The following TRIM49B variants were observed in gnomAD, a reference collection of about 807,000 sequenced individuals.
TRIM49B encodes tripartite motif containing 49B.
Under a neutral mutation model 31.8 loss-of-function variants are expected in TRIM49B, and 18 were observed. The ratio of observed to expected loss-of-function variants is 0.57; its 90% CI spans 0.39 to 0.84. The LOEUF is 0.84. Among genes scored for constraint, TRIM49B ranks in the 40% least tolerant of loss-of-function variants. TRIM49B has a pLI of 0.00. For missense variants in TRIM49B, 494 were observed against 538.7 expected (o/e 0.92, Z 0.82); for synonymous variants, 196 against 180.6 (o/e 1.09, Z -0.68).
At chr11:49,029,915 C>A (rs1309317545) in intron 1 of TRIM49B, among the ~76,000 whole-genome samples, 2 of 152,076 alleles carry the variant, frequency 1.3e-5, no homozygotes, top group Non-Finnish European at 2.9e-5. Context: ...CTACAGTATG[C>A]AGTACAGAAC....
rs761794701 is a variant in TRIM49B at position 49,032,409 on chromosome 11, T to C, written c.507+38T>C. ...CTACTCTACCTTCTCCAGGAACTTATGGTGGGCAAATGGGTGACTCTTAAA... is the reference window on the plus strand; with the variant it reads ...CTACTCTACCTTCTCCAGGAACTTACGGTGGGCAAATGGGTGACTCTTAAA... On this transcript the variant is annotated intron_variant, in intron 3 of 6. Transcript: ENST00000332682. 3 of 1,611,514 alleles carry C rather than the reference T, an allele frequency of 1.9e-6. No homozygotes were observed. In the African/African-American group the frequency reaches 4.0e-5, roughly 22 times the overall value.
intron 5 of TRIM49B, among the ~76,000 whole-genome samples, chr11:49,035,503 G>A (rs1854515642): frequency 6.6e-6 from 1 of 151,592 alleles, no homozygotes; most frequent in Non-Finnish European, 1.5e-5. Context: ...GGGACTACAG[G>A]CGCCCGCCAC....
chr11:49,034,309 A>G lies in TRIM49B; in HGVS notation c.671A>G (p.Glu224Gly), dbSNP rs1412376982. Reference sequence around the variant, plus strand: ...AAAGCCAAAATGGCTCATAGGAGGGAGATTTTAAGAGGAATGTATGAGGAG... The same window carrying G: ...AAAGCCAAAATGGCTCATAGGAGGGGGATTTTAAGAGGAATGTATGAGGAG... ...LSKAKMAHRR[E>G]ILRGMYEELN... is the part of the protein sequence containing the mutation. Residue 224 changes from glutamate to glycine, a missense_variant, in exon 4 of 7, where the codon GAG (glutamate) becomes GGG (glycine). By Grantham distance (98) the Glu-to-Gly change is moderately conservative. Around this residue, in one of 3 missense-constraint regions of TRIM49B, gnomAD observed 233 missense variants for 281.4 expected, o/e 0.83. Transcript: ENST00000332682. 6.2e-7 allele frequency: 1 copy of G among 1,611,980 alleles called. No homozygotes were observed. Among genetic ancestry groups the G allele is most frequent in the Non-Finnish European group, 8.5e-7 (1 of 1,179,838 alleles).
In TRIM49B at chr11:49,034,151, T is replaced by C. The variant is rs762837218; in HGVS notation, c.513T>C (p.Tyr171=). Residue 171 remains tyrosine, a synonymous_variant, in exon 4 of 7, where the codon TAT becomes TAC. Transcript: ENST00000332682. ...ETTRTRCWKD[Y]VNLRLEAIRA... Reference sequence around the variant, plus strand: ...CTAACCCATTATCACTGCAGGATTATGTGAATTTAAGGCTAGAAGCAATTA... The same window carrying C: ...CTAACCCATTATCACTGCAGGATTACGTGAATTTAAGGCTAGAAGCAATTA... The C allele has an allele frequency of 3.4e-4, 551 of 1,611,798 alleles. No homozygotes were observed. The highest frequency in any genetic ancestry group is 4.6e-4 in the Non-Finnish European group (539 of 1,179,770).
intron 3 of TRIM49B, 149 bp downstream of exon 3, chr11:49,032,520 G>A: frequency 1.4e-6 from 2 of 1,464,572 alleles, no homozygotes; most frequent in South Asian, 1.4e-5. Context: ...TTGAGAAAAA[G>A]TGGCCTCATT....
At chr11:49,031,496 C>T in intron 1 of TRIM49B, 100 bp from the exon 2 acceptor site, 2 of 1,534,106 alleles carry the variant, frequency 1.3e-6, no homozygotes, top group Non-Finnish European at 1.7e-6. Flanking sequence ...TTAATGAACA[C>T]TGTCAAGAGA....
chr11:49,035,301 AAAAGAAGAGTGAACTAAAAC>A (rs1462315237), intron 5 of TRIM49B, among the ~76,000 whole-genome samples, 184 bp downstream of exon 5: 4 of 150,366 alleles, frequency 2.7e-5, no homozygotes, highest in Non-Finnish European at 4.4e-5. Flanking sequence ...ATAAATGAAT[AAAAGAAGAGTGAACTAAAAC>A]AAACAATTTG....
At chr11:49,030,283 G>A (rs1183317232) in intron 1 of TRIM49B, among the ~76,000 whole-genome samples, 3 of 152,104 alleles carry the variant, frequency 2.0e-5, no homozygotes, top group Non-Finnish European at 1.5e-5. Flanking sequence ...GTTACAGTGA[G>A]CCGAGATCAC....
intron 4 of TRIM49B, 74 bp from the exon 5 acceptor site, chr11:49,035,021 A>G (rs958369480): frequency 2.4e-5 from 38 of 1,598,718 alleles, no homozygotes; most frequent in African/African-American, 1.6e-4. Context: ...ACTGAGTACA[A>G]ATCTCACACT....
Position 49,035,095 on chromosome 11 carries a change from G to A in TRIM49B, c.739G>A (p.Ala247Thr). ...CHKPDVELLQ[A>T]FGDILHRSES... ...TCTCTCTTTTTTTTTTTTTTTTCAG[G>A]CTTTTGGAGACATATTACACAGGTG... is the stretch of plus-strand genomic sequence containing the variant. Residue 247 changes from alanine (A) to threonine (T), a missense_variant and splice_region_variant, in exon 5 of 7, where the codon GCT (alanine) becomes ACT (threonine). Physicochemically the swap from Ala to Thr is moderately conservative, Grantham distance 58. Transcript: ENST00000332682. The A allele has an allele frequency of 6.3e-7, 1 of 1,580,852 alleles. No homozygotes were observed. The highest frequency in any genetic ancestry group is 8.6e-7 in the Non-Finnish European group (1 of 1,167,618).
chr11:49,037,635 C>T lies in TRIM49B; in HGVS notation c.1017C>T (p.Gly339=). 6.2e-7 allele frequency: 1 copy of T among 1,613,894 alleles called. No homozygotes were observed. The change falls in exon 7 of 7, where the codon GGC becomes GGT. Residue 339 remains glycine (G), a synonymous_variant. Coordinates refer to ENST00000332682, the MANE Select transcript of TRIM49B (RefSeq NM_001206626.2). ...LAWGAQTFTS[G]KYYWEVHVGD... is the part of the protein sequence containing the mutation. ...GGGGTGCTCAGACTTTCACCTCGGG[C>T]AAATATTACTGGGAGGTCCATGTAG...
Position 49,034,232 on chromosome 11 carries a change from G to A in TRIM49B, c.594G>A (p.Leu198=), listed in dbSNP as rs1454277136. 2 of 1,611,792 alleles carry A rather than the reference G, an allele frequency of 1.2e-6. No homozygotes were observed. Among genetic ancestry groups the A allele is most frequent in the African/African-American group, 1.3e-5 (1 of 74,830 alleles). ...AFHHEEEKHN[L]EMLKKKGKDI... The stretch of plus-strand genomic sequence containing the variant: ...ACCATGAAGAAGAAAAACATAATTT[G>A]GAGATGCTGAAAAAGAAGGGGAAAG... The change falls in exon 4 of 7, where the codon TTG becomes TTA. Residue 198 remains leucine, a synonymous_variant. Coordinates refer to ENST00000332682, the MANE Select transcript of TRIM49B (RefSeq NM_001206626.2).
In TRIM49B at chr11:49,034,065, C is replaced by T. The variant is rs1396077056; in HGVS notation, c.508-81C>T. 1.2e-4 allele frequency: 197 copies of T among 1,606,100 alleles called. 1 individual carries two copies. Among genetic ancestry groups the T allele is most frequent in the Non-Finnish European group, 1.6e-4 (187 of 1,175,256 alleles). ...ACAGAGGTTTGAACTATTGGACATT[C>T]GAGAGACAAAAGGAATCAGTGAGAT... On this transcript the variant is annotated intron_variant, in intron 3 of 6. Coordinates refer to ENST00000332682, the MANE Select transcript of TRIM49B (RefSeq NM_001206626.2).
chr11:49,034,070 G>C, intron 3 of TRIM49B, 76 bp from the exon 4 acceptor site: 1 of 1,607,986 alleles, frequency 6.2e-7, no homozygotes, highest in Non-Finnish European at 8.5e-7. Context: ...ACATTCGAGA[G>C]ACAAAAGGAA....
intron 5 of TRIM49B, 130 bp from the exon 6 acceptor site, chr11:49,036,171 G>A: frequency 2.0e-6 from 3 of 1,509,982 alleles, no homozygotes; most frequent in Non-Finnish European, 2.7e-6. Flanking sequence ...TTTGCAAAAG[G>A]AAGGAATAAT....
rs989618494 is a variant in TRIM49B, at chr11:49,031,522, C to G, written c.-4-74C>G. ...TGTCAAGAGAAGAAAATATAACTAT[C>G]ACATATCTCCACATGTTTAGAAGCT... On this transcript the variant is annotated intron_variant, in intron 1 of 6. Coordinates refer to ENST00000332682, the MANE Select transcript of TRIM49B (RefSeq NM_001206626.2). 6 of 1,566,856 alleles carry G rather than the reference C, an allele frequency of 3.8e-6. No individual in the cohort carries two copies. In the African/African-American group the frequency reaches 8.3e-5, roughly 22 times the overall value.
intron 1 of TRIM49B, among the ~76,000 whole-genome samples, chr11:49,030,987 G>T (rs1224784138): frequency 3.2e-5 from 3 of 94,748 alleles, no homozygotes; most frequent in African/African-American, 1.3e-4. Context: ...TTGTTTATTT[G>T]GTTGGTGGGC....
intron 2 of TRIM49B, 115 bp from the exon 3 acceptor site, chr11:49,032,161 A>G (rs1204717530): frequency 2.3e-5 from 37 of 1,597,514 alleles, no homozygotes; most frequent in Middle Eastern, 4.6e-4. Flanking sequence ...GCTTTGACAA[A>G]CATGAAGGGA....
chr11:49,037,773 T>C lies in TRIM49B; in HGVS notation c.1155T>C (p.Asn385=). ...TCTTTCTTCTTGGGTGTGTTAAGAA[T>C]GACATTCAACGCAGTCTCTTTACCA... The part of the protein sequence containing the change: ...DGLFLLGCVK[N]DIQRSLFTTS... Residue 385 remains asparagine, a synonymous_variant, in exon 7 of 7, where the codon AAT becomes AAC. Coordinates refer to ENST00000332682, the MANE Select transcript of TRIM49B (RefSeq NM_001206626.2). 6.2e-7 allele frequency: 1 copy of C among 1,613,954 alleles called. No homozygotes were observed. The highest frequency in any genetic ancestry group is 8.5e-7 in the Non-Finnish European group (1 of 1,179,858).
Sources: allele counts gnomAD v4.1 joint callset (sites outside exome capture counted in the v4.1 genomes callset), GRCh38; gene constraint gnomAD v4.1.1; regional missense constraint gnomAD v4.1.1; transcripts MANE v1.5; gene names NCBI Gene and HGNC (gene_info 2026-07-23, HGNC 2026-07-21).